ANKRD7: variants seen among roughly 807,000 people sequenced by gnomAD.
ANKRD7 encodes the protein ankyrin repeat domain-containing protein 7.
A neutral mutation model predicts 30.8 loss-of-function variants in ANKRD7; 30 were observed. That is an observed-to-expected ratio of 0.97 (90% CI 0.73 to 1.32). ANKRD7 has a LOEUF of 1.32. Among genes scored for constraint, ANKRD7 ranks in the 40% most tolerant of loss-of-function variants. ANKRD7 has a pLI of 0.00. For synonymous variants in ANKRD7, 97 were observed against 106.6 expected (o/e 0.91, Z 0.55); for missense variants, 264 against 295.7 (o/e 0.89, Z 0.79).
intron 5 of ANKRD7, 58 bp from the exon 6 acceptor site, chr7:118,239,851 A>C (rs769878439): frequency 2.5e-6 from 3 of 1,194,194 alleles, no homozygotes; most frequent in Admixed American, 1.8e-5. Context: ...TTTGATACTT[A>C]TATGTTAGGA....
chr7:118,235,960 A>C, intron 3 of ANKRD7, 81 bp from the exon 4 acceptor site: 1 of 687,096 alleles, frequency 1.5e-6, no homozygotes, highest in Non-Finnish European at 2.5e-6. Context: ...TCTTATGCAC[A>C]CATATTTTAA....
At chr7:118,226,219 G>A (rs923599090) in intron 1 of ANKRD7, among the ~76,000 whole-genome samples, 2 of 152,174 alleles carry the variant, frequency 1.3e-5, no homozygotes, top group Non-Finnish European at 2.9e-5. Flanking sequence ...CTCTGTCTTG[G>A]CATACTTGAG....
intron 1 of ANKRD7, among the ~76,000 whole-genome samples, chr7:118,227,041 T>C (rs1172388226): frequency 1.3e-5 from 2 of 152,148 alleles, no homozygotes; most frequent in Admixed American, 1.3e-4. Flanking sequence ...ACTCTTATAG[T>C]TCCTTTGTCT....
In ANKRD7 at chr7:118,239,933, GC is replaced by G; in HGVS notation, c.739del (p.His247MetfsTer19). On this transcript the variant is annotated frameshift_variant, in exon 6 of 7. Coordinates refer to ENST00000265224, the MANE Select transcript of ANKRD7 (RefSeq NM_019644.4). LOFTEE classifies it high-confidence loss of function. ...GATAGATACCCACAATTCACTGCGA[GC>G]CATGGAAAGAAGAAACATGCTAAAT... The part of the protein sequence containing the change: ...LLHRYPQFTA[S>X]HGKKKHAK The G allele has an allele frequency of 6.3e-7, 1 of 1,597,148 alleles. No individual in the cohort carries two copies. Among genetic ancestry groups the G allele is most frequent in the Non-Finnish European group, 8.6e-7 (1 of 1,169,278 alleles).
intron 5 of ANKRD7, among the ~76,000 whole-genome samples, chr7:118,238,798 CTGAGT>C (rs751145296): frequency 2.0e-5 from 3 of 152,168 alleles, no homozygotes; most frequent in East Asian, 3.9e-4. Flanking sequence ...CAGTCCCTGA[CTGAGT>C]TAATTGTCTT....
Position 118,224,707 on chromosome 7 carries a change from A to G in ANKRD7, c.-124A>G, listed in dbSNP as rs1312454275. 2 of 1,503,946 alleles carry G rather than the reference A, an allele frequency of 1.3e-6. No homozygotes were observed. The highest frequency in any genetic ancestry group is 8.9e-7 in the Non-Finnish European group (1 of 1,129,548). 93.2% of individuals were successfully genotyped at this position (1,503,946 alleles called of 1,614,324 possible). ...GCCGGCTGCGCGAGGCCCTTCCAGCATTTCCACTTTCGTCAGGTACTGGAG... is the reference window on the plus strand; with the variant it reads ...GCCGGCTGCGCGAGGCCCTTCCAGCGTTTCCACTTTCGTCAGGTACTGGAG... On this transcript the variant is annotated 5_prime_UTR_variant, in exon 1 of 7. Coordinates refer to ENST00000265224, the MANE Select transcript of ANKRD7 (RefSeq NM_019644.4).
At position 118,231,705 on chromosome 7, in the gene ANKRD7, T is replaced by C. The variant is rs114695960; in HGVS notation, c.180-2726T>C. Among the ~76,000 whole-genome samples the C allele has an allele frequency of 5.8e-3, 878 of 152,232 alleles. 10 individuals are homozygous for C. Among genetic ancestry groups the C allele is most frequent in the African/African-American group, 0.02 (834 of 41,564 alleles). On this transcript the variant is annotated intron_variant, in intron 1 of 6. Transcript: ENST00000265224. ...CCTTGACGCTCATCTCAGTCATCCC[T>C]TTTGCTAAAGTTCAATTTGAAATTT...
rs933560426 is a variant in ANKRD7, at chr7:118,241,440, C to T, written c.*38-909C>T. On this transcript the variant is annotated intron_variant, in intron 6 of 6. Transcript: ENST00000265224. ...CTCTCCATCCCCCATCCCCACAAAT[C>T]TATAGTGATAATGCTTACAACAATG... 3.3e-4 allele frequency among the ~76,000 whole-genome samples: 49 copies of T among 148,712 alleles called. 1 individual carries two copies. Among genetic ancestry groups the T allele is most frequent in the Non-Finnish European group, 1.5e-5 (1 of 67,410 alleles).
chr7:118,230,538 C>G (rs763184417), intron 1 of ANKRD7, among the ~76,000 whole-genome samples: 3 of 151,508 alleles, frequency 2.0e-5, no homozygotes, highest in Non-Finnish European at 2.9e-5. Flanking sequence ...ATTGACTAGT[C>G]AAAATTCATA....
In ANKRD7 at chr7:118,234,834, A is replaced by G; in HGVS notation, c.428A>G (p.Lys143Arg). The G allele has an allele frequency of 6.2e-7, 1 of 1,610,754 alleles. No individual in the cohort carries two copies. ...VCGQSLSLVE[K>R]LLEYEADLEA... is the part of the protein sequence containing the mutation. ...GGTCAAAGTTTGTCATTAGTTGAAAAACTGCTTGAATACGAAGCTGATCTT... is the reference window on the plus strand; with the variant it reads ...GGTCAAAGTTTGTCATTAGTTGAAAGACTGCTTGAATACGAAGCTGATCTT... Residue 143 changes from lysine to arginine, a missense_variant, in exon 3 of 7, where the codon AAA (lysine) becomes AGA (arginine). Coordinates refer to ENST00000265224, the MANE Select transcript of ANKRD7 (RefSeq NM_019644.4).
At chr7:118,238,774 C>T (rs539383986) in intron 5 of ANKRD7, among the ~76,000 whole-genome samples, 1 of 152,260 alleles carries the variant, frequency 6.6e-6, no homozygotes, top group East Asian at 1.9e-4. Context: ...GTATATTCAT[C>T]ACTGGGTGTG....
Position 118,228,083 on chromosome 7 carries a change from A to T in ANKRD7, c.179+3074A>T, listed in dbSNP as rs1809575831. On this transcript the variant is annotated intron_variant, in intron 1 of 6. Transcript: ENST00000265224. ...AGCAAAGTATTTTATTTGCCATATC[A>T]GTGGTATTTGAAATATTGTCTTTCA... is the stretch of plus-strand genomic sequence containing the variant. 3 of 1,270,580 alleles carry T rather than the reference A, an allele frequency of 2.4e-6. No homozygotes were observed. The African/African-American group carries it at 4.7e-5, about 20-fold the overall frequency. 78.7% of individuals were successfully genotyped at this position (1,270,580 alleles called of 1,614,324 possible).
In ANKRD7 at chr7:118,234,486, A is replaced by G. The variant is rs1333849511; in HGVS notation, c.235A>G (p.Ile79Val). The G allele has an allele frequency of 1.9e-6, 3 of 1,613,244 alleles. No individual in the cohort carries two copies. Among genetic ancestry groups the G allele is most frequent in the African/African-American group, 2.7e-5 (2 of 74,916 alleles). Residue 79 changes from isoleucine (I) to valine (V), a missense_variant, in exon 2 of 7, where the codon ATT becomes GTT. Physicochemically the swap from Ile to Val is conservative, Grantham distance 29. Transcript: ENST00000265224. ...ACATACAGATGTTGTACTTTTCCTA[A>G]TTGAGCAACAATGCAAAATAAATGT... ...NGHTDVVLFL[I>V]EQQCKINVRD...
Position 118,236,878 on chromosome 7 carries a change from A to G in ANKRD7, c.664A>G (p.Ile222Val). The stretch of plus-strand genomic sequence containing the variant: ...AGGTGTGGAATTATGTTACGAAGGT[A>G]TTGTGGATTCACAGCTGAGGAATAT... ...QQGVELCYEGIVDSQLRNMFI... is the reference protein window; with the variant it reads ...QQGVELCYEGVVDSQLRNMFI... Residue 222 changes from isoleucine to valine, a missense_variant, in exon 5 of 7, where the codon ATT becomes GTT. Physicochemically the swap from Ile to Val is conservative, Grantham distance 29 (BLOSUM62 3). Transcript: ENST00000265224. The G allele has an allele frequency of 6.2e-7, 1 of 1,614,054 alleles. No homozygotes were observed. Among genetic ancestry groups the G allele is most frequent in the Non-Finnish European group, 8.5e-7 (1 of 1,179,924 alleles).
chr7:118,235,442 C>T (rs933726716), intron 3 of ANKRD7, among the ~76,000 whole-genome samples: 3 of 151,844 alleles, frequency 2.0e-5, no homozygotes, highest in Non-Finnish European at 4.4e-5. Context: ...GAAACCCCGT[C>T]TCTACTAAAA....
chr7:118,225,486 C>CAA (rs60691080), intron 1 of ANKRD7, among the ~76,000 whole-genome samples: 116 of 124,364 alleles, frequency 9.3e-4, no homozygotes, highest in African/African-American at 3.1e-3. Context: ...AGACTCATCT[C>CAA]AAAAAAAAAA....
intron 1 of ANKRD7, among the ~76,000 whole-genome samples, chr7:118,232,185 T>C (rs1300673110): frequency 6.6e-6 from 1 of 152,104 alleles, no homozygotes; most frequent in Admixed American, 6.5e-5. Context: ...AATTTTTTTT[T>C]TGTTTGTTTG....
intron 6 of ANKRD7, among the ~76,000 whole-genome samples, chr7:118,240,751 A>T (rs994631686): frequency 6.6e-6 from 1 of 152,172 alleles, no homozygotes; most frequent in Non-Finnish European, 1.5e-5. Flanking sequence ...TAGTTAATAT[A>T]AGATATACGA....
At chr7:118,241,022 C>T (rs1198804195) in intron 6 of ANKRD7, among the ~76,000 whole-genome samples, 3 of 149,726 alleles carry the variant, frequency 2.0e-5, no homozygotes, top group East Asian at 1.9e-4. Context: ...GGCGCGGTGG[C>T]GGGCGCCTGT....
Sources: allele counts gnomAD v4.1 joint callset (sites outside exome capture counted in the v4.1 genomes callset), GRCh38; gene constraint gnomAD v4.1.1; transcripts MANE v1.5; gene names NCBI Gene and HGNC (gene_info 2026-07-23, HGNC 2026-07-21).